The following SLAMF1 variants were observed in gnomAD, a reference collection of about 807,000 sequenced individuals.
SLAMF1 encodes the protein signaling lymphocytic activation molecule.
Under a neutral mutation model 35.1 loss-of-function variants are expected in SLAMF1, and 18 were observed. The observed-to-expected ratio is 0.51, with a 90% CI of 0.35 to 0.76. The LOEUF (loss-of-function observed/expected upper bound fraction) is 0.76, where lower values mean the gene tolerates loss of function less well. SLAMF1 is among the 30% of genes least tolerant of loss of function. The probability of loss-of-function intolerance (pLI) is 0.01; values close to 1 mark genes in which losing one functional copy is unlikely to be tolerated. For missense variants in SLAMF1, 392 were observed against 413.0 expected (o/e 0.95, Z 0.44); for synonymous variants, 168 against 157.2 (o/e 1.07, Z -0.51).
rs1429734720 is a variant in SLAMF1 at position 160,608,705 on chromosome 1, T to G, written c.*2043A>C. On this transcript the variant is annotated 3_prime_UTR_variant, in exon 7 of 7. Transcript: ENST00000302035. ...AAATCCAAGTGCTGGGAACTGAGCT[T>G]CTAGAGCAATCTGAGTTGTAGTAAA... 2 of 151,756 alleles carry G rather than the reference T, an allele frequency of 1.3e-5. No individual in the cohort carries two copies. The highest frequency in any genetic ancestry group is 4.9e-5 in the African/African-American group (2 of 41,228). 9.4% of individuals were successfully genotyped at this position (151,756 alleles called of 1,614,324 possible).
chr1:160,619,722 A>G, intron 5 of SLAMF1, 54 bp downstream of exon 5: 1 of 1,145,472 alleles, frequency 8.7e-7, no homozygotes, highest in Non-Finnish European at 1.3e-6. Context: ...TAGACTGGCC[A>G]GGAATACTCT....
At chr1:160,646,707 T>C (rs1163995669) in intron 1 of SLAMF1, among the ~76,000 whole-genome samples, 163 bp downstream of exon 1, 5 of 152,222 alleles carry the variant, frequency 3.3e-5, no homozygotes, top group Non-Finnish European at 7.3e-5. Context: ...GAACTTATAA[T>C]GTTCCTTCCT....
intron 4 of SLAMF1, chr1:160,623,586 C>CT: frequency 5.0e-6 from 2 of 398,760 alleles, no homozygotes; most frequent in Non-Finnish European, 8.8e-6. Context: ...GTCAAGGTGG[C>CT]TGAGGGGAGC....
intron 1 of SLAMF1, among the ~76,000 whole-genome samples, chr1:160,641,047 C>T (rs898334823): frequency 6.6e-6 from 1 of 152,066 alleles, no homozygotes; most frequent in Non-Finnish European, 1.5e-5. Context: ...AAAAGAGTAA[C>T]TTCTTGAATC....
At position 160,610,516 on chromosome 1, in the gene SLAMF1, C is replaced by A. The variant is rs553865001; in HGVS notation, c.*232G>T. 3.4e-5 allele frequency: 19 copies of A among 564,552 alleles called. No homozygotes were observed. In the South Asian group the frequency reaches 3.6e-4, roughly 11 times the overall value. 35.0% of individuals were successfully genotyped at this position (564,552 alleles called of 1,614,324 possible). A position where few individuals can be genotyped will look rare whatever the true frequency, so the allele number is the denominator to read the frequency against. Reference sequence around the variant, plus strand: ...AAGATGGAACGCTGTTATCAAGTAACGCTCTGTTCTGCGCCTGCAGCCACT... The same window carrying A: ...AAGATGGAACGCTGTTATCAAGTAAAGCTCTGTTCTGCGCCTGCAGCCACT... On this transcript the variant is annotated 3_prime_UTR_variant, in exon 7 of 7. Transcript: ENST00000302035.
rs554581460 is a variant in SLAMF1 at position 160,647,022 on chromosome 1, G to A, written c.-77C>T. 38 of 762,614 alleles carry A rather than the reference G, an allele frequency of 5.0e-5. No individual in the cohort carries two copies. The highest frequency in any genetic ancestry group is 2.9e-4 in the South Asian group (20 of 69,708). 47.2% of individuals were successfully genotyped at this position (762,614 alleles called of 1,614,324 possible). On this transcript the variant is annotated 5_prime_UTR_variant, in exon 1 of 7. It adds an upstream start codon to the 5' untranslated region. Transcript: ENST00000302035. ...CAGATGCCAGGCAGAAGCAAGCTTC[G>A]TGTCATGCAGCAGAGGCTGTCTGAT...
rs138854703 is a variant in SLAMF1 at position 160,637,444 on chromosome 1, C to T, written c.162G>A (p.Lys54=). The part of the protein sequence containing the change: ...LLPLTYERIN[K]SMNKSIHIVV... ...CAATGTGGATGCTTTTGTTCATGCT[C>T]TTATTTATCCTTTCATATGTCAGGG... Residue 54 remains lysine (K), a synonymous_variant, in exon 2 of 7, where the codon AAG becomes AAA. Transcript: ENST00000302035. 1.9e-6 allele frequency: 3 copies of T among 1,614,022 alleles called. No individual in the cohort carries two copies. The highest frequency in any genetic ancestry group is 2.7e-5 in the African/African-American group (2 of 74,916).
At chr1:160,639,490 G>T (rs969107154) in intron 1 of SLAMF1, among the ~76,000 whole-genome samples, 2 of 152,248 alleles carry the variant, frequency 1.3e-5, no homozygotes, top group Non-Finnish European at 2.9e-5. Context: ...GCCTCCCAAA[G>T]TGCTGGGATT....
intron 1 of SLAMF1, among the ~76,000 whole-genome samples, chr1:160,644,203 C>A (rs901865999): frequency 2.6e-5 from 4 of 152,068 alleles, no homozygotes; most frequent in Non-Finnish European, 5.9e-5. Flanking sequence ...TTATAGATAG[C>A]ACATTCTAAT....
chr1:160,628,579 G>A (rs1170803351), intron 3 of SLAMF1, among the ~76,000 whole-genome samples: 1 of 152,166 alleles, frequency 6.6e-6, no homozygotes, highest in African/African-American at 2.4e-5. Flanking sequence ...ATTCCATGAA[G>A]GTAGGCCCTG....
intron 3 of SLAMF1, among the ~76,000 whole-genome samples, chr1:160,630,589 T>C (rs1327489036): frequency 6.6e-6 from 1 of 152,212 alleles, no homozygotes; most frequent in Non-Finnish European, 1.5e-5. Flanking sequence ...TTTTCCTTTG[T>C]ATGCCCTAGG....
chr1:160,622,739 T>C (rs1009298879), intron 4 of SLAMF1, among the ~76,000 whole-genome samples: 1 of 152,230 alleles, frequency 6.6e-6, no homozygotes, highest in Non-Finnish European at 1.5e-5. Flanking sequence ...AGCTTGTCAG[T>C]AGCAAAATCT....
chr1:160,630,070 C>A (rs1660087737), intron 3 of SLAMF1, among the ~76,000 whole-genome samples: 1 of 152,206 alleles, frequency 6.6e-6, no homozygotes, highest in Non-Finnish European at 1.5e-5. Context: ...TGAAAAAGAT[C>A]CTCTCTTCAA....
chr1:160,616,973 T>A (rs1570969045), intron 5 of SLAMF1, among the ~76,000 whole-genome samples: 1 of 151,946 alleles, frequency 6.6e-6, no homozygotes, highest in East Asian at 1.9e-4. Flanking sequence ...CTGGCCAACA[T>A]GGTGAAATAC....
intron 3 of SLAMF1, among the ~76,000 whole-genome samples, chr1:160,624,623 AG>A (rs1489484986): frequency 3.3e-5 from 5 of 152,222 alleles, no homozygotes; most frequent in African/African-American, 1.2e-4. Flanking sequence ...ACTGGGAGGA[AG>A]AAAGATCTAC....
chr1:160,637,536 G>C lies in SLAMF1; in HGVS notation c.77-7C>G. On this transcript the variant is annotated splice_polypyrimidine_tract_variant and splice_region_variant and intron_variant, in intron 1 of 6. Coordinates refer to ENST00000302035, the MANE Select transcript of SLAMF1 (RefSeq NM_003037.5). Reference sequence around the variant, plus strand: ...CAGTTCATCATGCGCCCACCTGTGGGAGGGAGGAGAAGAGAGTCCCTTATT... The same window carrying C: ...CAGTTCATCATGCGCCCACCTGTGGCAGGGAGGAGAAGAGAGTCCCTTATT... 6.2e-7 allele frequency: 1 copy of C among 1,601,886 alleles called. No homozygotes were observed. Among genetic ancestry groups the C allele is most frequent in the Non-Finnish European group, 8.5e-7 (1 of 1,176,090 alleles).
At position 160,637,492 on chromosome 1, in the gene SLAMF1, C is replaced by T; in HGVS notation, c.114G>A (p.Gln38=). Residue 38 remains glutamine, a synonymous_variant, in exon 2 of 7, where the codon CAG becomes CAA. Coordinates refer to ENST00000302035, the MANE Select transcript of SLAMF1 (RefSeq NM_003037.5). ...GGGGCAGCAGCACTTTGCTTCCCAA[C>T]TGCCGGAGAATCTTTGGGCAGTTCA... ...RMMNCPKILR[Q]LGSKVLLPLT... The T allele has an allele frequency of 1.2e-6, 2 of 1,612,816 alleles. No individual in the cohort carries two copies. The highest frequency in any genetic ancestry group is 3.3e-4 in the Middle Eastern group (2 of 6,062).
chr1:160,626,276 C>T (rs1214926899), intron 3 of SLAMF1, among the ~76,000 whole-genome samples: 3 of 152,218 alleles, frequency 2.0e-5, no homozygotes, highest in Admixed American at 6.5e-5. Context: ...TCGCGCCCGA[C>T]GCCGGTTGCT....
chr1:160,637,701 C>G (rs996710765), intron 1 of SLAMF1, among the ~76,000 whole-genome samples, 172 bp from the exon 2 acceptor site: 15 of 152,170 alleles, frequency 9.9e-5, no homozygotes, highest in African/African-American at 3.6e-4. Context: ...CCACTATATT[C>G]TCAATACTTC....
Sources: gnomAD v4.1 joint callset for allele counts (sites outside exome capture counted in the v4.1 genomes callset) on GRCh38, gnomAD v4.1.1 for gene constraint, MANE v1.5 for transcripts, NCBI Gene and HGNC (gene_info 2026-07-23, HGNC 2026-07-21) for gene names.